The following TFEC variants were observed in gnomAD, a reference collection of about 807,000 sequenced individuals.
The protein encoded by TFEC is transcription factor EC.
In TFEC, 31 loss-of-function variants were observed where a neutral mutation model predicts 41.6. The observed-to-expected ratio is 0.74, with a 90% CI of 0.56 to 1.01. TFEC has a LOEUF of 1.01. Ranked by LOEUF, TFEC falls within the 50% of genes least tolerant of loss-of-function variation. TFEC has a pLI of 0.00. For synonymous variants in TFEC, 143 were observed against 140.6 expected, an observed-to-expected ratio of 1.02 and a Z score of -0.12; for missense variants, 402 against 404.1, an observed-to-expected ratio of 0.99 and a Z score of 0.04.
At chr7:115,950,179 C>G (rs570424395) in intron 6 of TFEC, among the ~76,000 whole-genome samples, 1 of 151,688 alleles carries the variant, frequency 6.6e-6, no homozygotes, top group Non-Finnish European at 1.5e-5. Context: ...ACCTGGCTAA[C>G]TTTTGTATTT....
chr7:116,039,479 T>A (rs1051033107), intron 3 of TFEC, among the ~76,000 whole-genome samples: 1 of 151,330 alleles, frequency 6.6e-6, no homozygotes, highest in Admixed American at 6.6e-5. Context: ...ATCAGTATTA[T>A]GATTCTTGTT....
At chr7:116,066,627 C>T (rs888499058) in intron 3 of TFEC, among the ~76,000 whole-genome samples, 2 of 151,996 alleles carry the variant, frequency 1.3e-5, no homozygotes, top group Non-Finnish European at 2.9e-5. Flanking sequence ...TTGAATGTAA[C>T]TGGGCAATGA....
intron 1 of TFEC, among the ~76,000 whole-genome samples, chr7:116,003,054 A>G (rs1794658046): frequency 6.6e-6 from 1 of 152,194 alleles, no homozygotes; most frequent in African/African-American, 2.4e-5. Flanking sequence ...TAGAATAGAT[A>G]TTAATCCAAA....
rs942968902 is a variant in TFEC at position 115,935,949 on chromosome 7, C to T, written c.*4602G>A. On this transcript the variant is annotated 3_prime_UTR_variant, in exon 8 of 8. Coordinates refer to ENST00000265440, the MANE Select transcript of TFEC (RefSeq NM_012252.4). ...ATGTATAAAGCAGTAGACAATAGTA[C>T]TTCATCATTAAGTTGGTTGAATCCT... The T allele has an allele frequency of 2.0e-5, 3 of 151,438 alleles. No individual in the cohort carries two copies. The highest frequency in any genetic ancestry group is 7.3e-5 in the African/African-American group (3 of 41,364). The allele number at this position is 151,438 out of a possible 1,614,324, so 9.4% of individuals were successfully genotyped here. A position where few individuals can be genotyped will look rare whatever the true frequency, so the allele number is the denominator to read the frequency against.
chr7:116,000,508 T>C (rs1051494608), intron 1 of TFEC, among the ~76,000 whole-genome samples: 1 of 152,148 alleles, frequency 6.6e-6, no homozygotes, highest in Non-Finnish European at 1.5e-5. Flanking sequence ...AATTTATTTG[T>C]GTTTGCAGAT....
intron 3 of TFEC, among the ~76,000 whole-genome samples, chr7:115,960,920 G>A (rs888966519): frequency 6.6e-6 from 1 of 151,506 alleles, no homozygotes; most frequent in African/African-American, 2.4e-5. Flanking sequence ...AAATTATTAG[G>A]GATAATGAGT....
intron 1 of TFEC, among the ~76,000 whole-genome samples, chr7:116,027,098 C>A (rs551320748): frequency 5.3e-5 from 8 of 152,114 alleles, no homozygotes; most frequent in Admixed American, 3.9e-4. Context: ...TCAAAGGGAA[C>A]AGAGTGTTAA....
At chr7:116,146,650 T>C (rs1033909438) in intron 1 of TFEC, among the ~76,000 whole-genome samples, 4 of 152,166 alleles carry the variant, frequency 2.6e-5, no homozygotes, top group African/African-American at 7.2e-5. Flanking sequence ...TTTTAATACA[T>C]ACCTTAAGAA....
At chr7:116,091,654 C>T (rs1203179005) in intron 3 of TFEC, among the ~76,000 whole-genome samples, 1 of 151,996 alleles carries the variant, frequency 6.6e-6, no homozygotes, top group African/African-American at 2.4e-5. Context: ...GTCAATTATA[C>T]TCTAGATGGA....
At chr7:116,031,566 T>C (rs191498185), upstream of TFEC, among the ~76,000 whole-genome samples, 36 of 152,274 alleles carry the variant, frequency 2.4e-4, no homozygotes, top group Non-Finnish European at 4.0e-4. Flanking sequence ...TTACATGACT[T>C]TCTTGTCTTA....
At chr7:116,027,870 T>C (rs1795645027) in intron 1 of TFEC, among the ~76,000 whole-genome samples, 2 of 152,152 alleles carry the variant, frequency 1.3e-5, no homozygotes, top group Admixed American at 6.5e-5. Context: ...TAGACTCTCC[T>C]TTCAATTCCT....
chr7:116,062,271 C>T (rs767014495), intron 3 of TFEC, among the ~76,000 whole-genome samples: 10 of 106,678 alleles, frequency 9.4e-5, no homozygotes, highest in Non-Finnish European at 1.0e-4. Context: ...TTAGTAGAGA[C>T]AGTGTTTCAC....
intron 1 of TFEC, among the ~76,000 whole-genome samples, chr7:115,994,453 T>G (rs1014796506): frequency 6.6e-6 from 1 of 151,992 alleles, no homozygotes; most frequent in Non-Finnish European, 1.5e-5. Context: ...TTACAACCTA[T>G]CCCTCTGACA....
intron 1 of TFEC, among the ~76,000 whole-genome samples, chr7:116,144,077 G>T (rs778728402): frequency 8.5e-5 from 13 of 152,070 alleles, no homozygotes; most frequent in African/African-American, 2.9e-4. Flanking sequence ...AATTAGCCAG[G>T]TATGGTGGCA....
At chr7:116,038,215 C>T (rs1205993784) in intron 3 of TFEC, among the ~76,000 whole-genome samples, 1 of 151,996 alleles carries the variant, frequency 6.6e-6, no homozygotes, top group Non-Finnish European at 1.5e-5. Context: ...TATATTTAAT[C>T]TTGGCATACA....
At chr7:116,038,440 C>T (rs1795960637) in intron 3 of TFEC, among the ~76,000 whole-genome samples, 1 of 151,864 alleles carries the variant, frequency 6.6e-6, no homozygotes, top group Non-Finnish European at 1.5e-5. Context: ...ACTGATAAGA[C>T]TTAAAATATT....
intron 1 of TFEC, among the ~76,000 whole-genome samples, chr7:116,133,460 C>G (rs1212764516): frequency 6.6e-6 from 1 of 151,484 alleles, no homozygotes; most frequent in East Asian, 1.9e-4. Context: ...TGAGGAACCC[C>G]ACAAAGTGGA....
rs1000703352 is a variant in TFEC, at chr7:116,112,975, T to C, written c.-68-937A>G. Among the ~76,000 whole-genome samples the C allele has an allele frequency of 2.6e-5, 4 of 151,722 alleles. No homozygotes were observed. In the South Asian group the frequency reaches 6.2e-4, roughly 24 times the overall value. On this transcript the variant is annotated intron_variant, in intron 1 of 8. Transcript: ENST00000484212. ...AGGCATCATGAAATTCTAAAGCAGA[T>C]TGATTATTAAACAGCTGGTCTATGA...
intron 1 of TFEC, among the ~76,000 whole-genome samples, chr7:116,013,612 A>G (rs1296575002): frequency 6.6e-6 from 1 of 152,146 alleles, no homozygotes; most frequent in African/African-American, 2.4e-5. Flanking sequence ...TCACAATCAC[A>G]CAAGCAACAA....
Sources: gnomAD v4.1 joint callset for allele counts (sites outside exome capture counted in the v4.1 genomes callset) on GRCh38, gnomAD v4.1.1 for gene constraint, MANE v1.5 for transcripts, NCBI Gene and HGNC (gene_info 2026-07-23, HGNC 2026-07-21) for gene names.